The following ATP6V1G3 variants were observed in gnomAD, a reference collection of about 807,000 sequenced individuals.
The protein encoded by ATP6V1G3 is V-type proton ATPase subunit G 3.
Under a neutral mutation model 9.3 loss-of-function variants are expected in ATP6V1G3, and 9 were observed. The observed-to-expected ratio is 0.97, with a 90% CI of 0.59 to 1.69. The LOEUF is 1.69. Among genes scored for constraint, ATP6V1G3 ranks in the 40% most tolerant of loss-of-function variants. The pLI is 0.00. For synonymous variants in ATP6V1G3, 43 were observed against 43.8 expected, an observed-to-expected ratio of 0.98 and a Z score of 0.07; for missense variants, 133 against 139.0, an observed-to-expected ratio of 0.96 and a Z score of 0.22.
Position 198,537,450 on chromosome 1 carries a change from C to G in ATP6V1G3, c.82+3119G>C, listed in dbSNP as rs183506534. 9.1e-4 allele frequency among the ~76,000 whole-genome samples: 139 copies of G among 152,190 alleles called. 1 individual carries two copies. The highest frequency in any genetic ancestry group is 2.0e-3 in the Admixed American group (30 of 15,276). On this transcript the variant is annotated intron_variant, in intron 1 of 2. Coordinates refer to ENST00000367382, the MANE Select transcript of ATP6V1G3 (RefSeq NM_001376861.1). ...TTCTTTTTCTTAAAAATAATACACT[C>G]AAGAGTCTTGTTCTAGCACTTTATG...
chr1:198,529,972 C>T lies in ATP6V1G3; in HGVS notation c.83-791G>A, dbSNP rs533642338. 4.5e-4 allele frequency among the ~76,000 whole-genome samples: 68 copies of T among 152,192 alleles called. 1 individual carries two copies. Among genetic ancestry groups the T allele is most frequent in the African/African-American group, 1.5e-3 (61 of 41,548 alleles). ...TGCTGTGGTAATCATTAGCTGAGCA[C>T]ATGACTTTTTTTGACAACCAGAGTA... On this transcript the variant is annotated intron_variant, in intron 1 of 2. Coordinates refer to ENST00000367382, the MANE Select transcript of ATP6V1G3 (RefSeq NM_001376861.1).
intron 2 of ATP6V1G3, among the ~76,000 whole-genome samples, chr1:198,527,258 C>T (rs1659692000): frequency 6.6e-6 from 1 of 152,102 alleles, no homozygotes; most frequent in African/African-American, 2.4e-5. Flanking sequence ...TTACAAAATG[C>T]TCGAAGTAGC....
intron 2 of ATP6V1G3, 47 bp downstream of exon 2, chr1:198,529,034 G>T: frequency 1.1e-6 from 1 of 873,992 alleles, no homozygotes; most frequent in Non-Finnish European, 1.8e-6. Context: ...TAAATATGAA[G>T]ATCTTATCTA....
At chr1:198,524,745 T>C (rs1267652721) in intron 2 of ATP6V1G3, among the ~76,000 whole-genome samples, 1 of 152,182 alleles carries the variant, frequency 6.6e-6, no homozygotes, top group African/African-American at 2.4e-5. Context: ...CTAACGTATC[T>C]CCTTTGTAAA....
intron 1 of ATP6V1G3, among the ~76,000 whole-genome samples, chr1:198,539,248 C>A (rs1196289791): frequency 6.6e-6 from 1 of 152,184 alleles, no homozygotes; most frequent in African/African-American, 2.4e-5. Flanking sequence ...TGCCTTATTT[C>A]TGACTGACTT....
At chr1:198,526,324 ACTGT>A (rs1475708760) in intron 2 of ATP6V1G3, among the ~76,000 whole-genome samples, 4 of 152,146 alleles carry the variant, frequency 2.6e-5, no homozygotes, top group Non-Finnish European at 4.4e-5. Flanking sequence ...TGCCTTGAAC[ACTGT>A]CTGGCACTTA....
rs12403326 is a variant in ATP6V1G3 at position 198,535,003 on chromosome 1, G to A, written c.82+5566C>T. On this transcript the variant is annotated intron_variant, in intron 1 of 2. Coordinates refer to ENST00000367382, the MANE Select transcript of ATP6V1G3 (RefSeq NM_001376861.1). ...CTTACACTAAATTTATTTCCTGTCA[G>A]ATCTCTGCTTCCTGAATGTTTTCTT... Among the ~76,000 whole-genome samples the A allele has an allele frequency of 4.7e-3, 717 of 152,220 alleles. 11 individuals carry two copies. The highest frequency in any genetic ancestry group is 0.037 in the Admixed American group (566 of 15,284).
Position 198,529,104 on chromosome 1 carries a change from C to G in ATP6V1G3, c.160G>C (p.Glu54Gln), listed in dbSNP as rs16843254. The change falls in exon 2 of 3, where the codon GAG becomes CAG. Residue 54 changes from glutamate (E) to glutamine (Q), a missense_variant. By Grantham distance (29) the Glu-to-Gln change is conservative. Transcript: ENST00000367382. Reference sequence around the variant, plus strand: ...ACCTTAGATTGTTTTAGTCGAAACTCTTTATCTCTCTGCATTCTGTACTGG... The same window carrying G: ...ACCTTAGATTGTTTTAGTCGAAACTGTTTATCTCTCTGCATTCTGTACTGG... Reference protein sequence around the residue: ...IDQYRMQRDKEFRLKQSKIMG... With the variant: ...IDQYRMQRDKQFRLKQSKIMG... 8,910 of 1,539,860 alleles carry G rather than the reference C, an allele frequency of 5.8e-3. 428 individuals carry two copies. In the African/African-American group the frequency reaches 0.1, roughly 18 times the overall value.
intron 1 of ATP6V1G3, among the ~76,000 whole-genome samples, chr1:198,531,999 G>A (rs1391275226): frequency 6.6e-6 from 1 of 152,092 alleles, no homozygotes; most frequent in African/African-American, 2.4e-5. Context: ...GGGGTAAAGC[G>A]TGAGTTTGAG....
chr1:198,527,107 G>A (rs1411384940), intron 2 of ATP6V1G3, among the ~76,000 whole-genome samples: 2 of 152,092 alleles, frequency 1.3e-5, no homozygotes, highest in African/African-American at 2.4e-5. Flanking sequence ...CAACACCCAC[G>A]GCACACAGGA....
At chr1:198,531,282 C>T (rs1659888404) in intron 1 of ATP6V1G3, among the ~76,000 whole-genome samples, 1 of 152,162 alleles carries the variant, frequency 6.6e-6, no homozygotes, top group African/African-American at 2.4e-5. Flanking sequence ...GTGGAAAAAA[C>T]TGGAGCCTAA....
chr1:198,535,823 G>T (rs907837043), intron 1 of ATP6V1G3, among the ~76,000 whole-genome samples: 1 of 152,134 alleles, frequency 6.6e-6, no homozygotes, highest in Non-Finnish European at 1.5e-5. Flanking sequence ...ATAAGAAGCA[G>T]AAGTTAGACT....
At chr1:198,532,832 A>C (rs926200950) in intron 1 of ATP6V1G3, among the ~76,000 whole-genome samples, 60 of 152,304 alleles carry the variant, frequency 3.9e-4, no homozygotes, top group Middle Eastern at 3.4e-3. Flanking sequence ...AAACACCATC[A>C]TGGCTGGAGC....
chr1:198,532,461 A>G (rs1659942240), intron 1 of ATP6V1G3, among the ~76,000 whole-genome samples: 1 of 152,250 alleles, frequency 6.6e-6, no homozygotes, highest in Non-Finnish European at 1.5e-5. Flanking sequence ...ACACTATTGT[A>G]GATCTATGGA....
intron 2 of ATP6V1G3, among the ~76,000 whole-genome samples, chr1:198,527,980 T>C (rs1221903122): frequency 1.3e-5 from 2 of 152,048 alleles, no homozygotes; most frequent in South Asian, 4.1e-4. Flanking sequence ...GAATGGTACA[T>C]GTGAAGGCCT....
At chr1:198,535,152 A>G (rs1343666624) in intron 1 of ATP6V1G3, among the ~76,000 whole-genome samples, 1 of 152,180 alleles carries the variant, frequency 6.6e-6, no homozygotes, top group African/African-American at 2.4e-5. Context: ...TTATTTTAAT[A>G]TTACCCACCT....
At chr1:198,536,191 G>C (rs1186674922) in intron 1 of ATP6V1G3, among the ~76,000 whole-genome samples, 2 of 152,162 alleles carry the variant, frequency 1.3e-5, no homozygotes, top group East Asian at 3.8e-4. Context: ...GCATGCATTT[G>C]AGTATTTCAG....
intron 2 of ATP6V1G3, among the ~76,000 whole-genome samples, chr1:198,528,451 C>T (rs1659751843): frequency 6.6e-6 from 1 of 152,074 alleles, no homozygotes; most frequent in Admixed American, 6.6e-5. Flanking sequence ...TCTTTTAGCC[C>T]ATGTTGCAAC....
intron 2 of ATP6V1G3, among the ~76,000 whole-genome samples, chr1:198,524,485 T>C (rs1644961448): frequency 6.6e-6 from 1 of 152,170 alleles, no homozygotes; most frequent in Non-Finnish European, 1.5e-5. Flanking sequence ...GTTGTACTTC[T>C]TTAAAATTGA....
Sources: gnomAD v4.1 joint callset for allele counts (sites outside exome capture counted in the v4.1 genomes callset) on GRCh38, gnomAD v4.1.1 for gene constraint, MANE v1.5 for transcripts, NCBI Gene and HGNC (gene_info 2026-07-23, HGNC 2026-07-21) for gene names.